Variants in THSD7A observed in about 807,000 individuals in gnomAD.
The protein encoded by THSD7A is thrombospondin type 1 domain containing 7A.
Under a neutral mutation model 231.3 loss-of-function variants are expected in THSD7A, and 96 were observed. The observed-to-expected ratio is 0.41, with a 90% CI of 0.35 to 0.49. The LOEUF is 0.49. Ranked by LOEUF, THSD7A falls within the 20% of genes least tolerant of loss-of-function variation. The pLI is 0.05. For synonymous variants in THSD7A, 940 were observed against 743.3 expected, an observed-to-expected ratio of 1.26 and a Z score of -4.30; for missense variants, 2,290 against 2,070.2, an observed-to-expected ratio of 1.11 and a Z score of -2.06.
Position 11,481,897 on chromosome 7 carries a change from C to T in THSD7A, c.1908G>A (p.Val636=). The part of the protein sequence containing the change: ...ACDAPCPKDC[V]LSTWSTWSSC... ...AGGACCACGTAGACCATGTGCTGAG[C>T]ACACAGTCTTTCGGGCATGGGGCAT... The change falls in exon 7 of 28, where the codon GTG becomes GTA. Residue 636 remains valine, a synonymous_variant. Coordinates refer to ENST00000423059, the MANE Select transcript of THSD7A (RefSeq NM_015204.3). 1.2e-6 allele frequency: 2 copies of T among 1,613,780 alleles called. No individual in the cohort carries two copies. Among genetic ancestry groups the T allele is most frequent in the Non-Finnish European group, 1.7e-6 (2 of 1,179,734 alleles).
At chr7:11,658,039 T>G (rs927275663) in intron 1 of THSD7A, among the ~76,000 whole-genome samples, 8 of 151,712 alleles carry the variant, frequency 5.3e-5, no homozygotes, top group Non-Finnish European at 1.2e-4. Context: ...GCCACCCTGC[T>G]AGCTTCAACA....
At chr7:11,628,650 A>G (rs1205885673) in intron 2 of THSD7A, among the ~76,000 whole-genome samples, 1 of 152,178 alleles carries the variant, frequency 6.6e-6, no homozygotes, top group Non-Finnish European at 1.5e-5. Context: ...CCTTGAGATT[A>G]TGATCTTTGT....
At chr7:11,594,887 G>T (rs995498463) in intron 2 of THSD7A, among the ~76,000 whole-genome samples, 37 of 152,316 alleles carry the variant, frequency 2.4e-4, no homozygotes, top group African/African-American at 8.9e-4. Context: ...TAAAGTGAGG[G>T]CATTGATTGG....
chr7:11,482,704 C>T (rs1786480000), intron 6 of THSD7A, among the ~76,000 whole-genome samples: 1 of 152,174 alleles, frequency 6.6e-6, no homozygotes, highest in Non-Finnish European at 1.5e-5. Flanking sequence ...TTCAAGTTTA[C>T]AAGACCTCGA....
At chr7:11,462,243 T>G in intron 9 of THSD7A, 100 bp from the exon 10 acceptor site, 1 of 1,320,734 alleles carries the variant, frequency 7.6e-7, no homozygotes, top group Non-Finnish European at 1.0e-6. Flanking sequence ...CAGCTACATG[T>G]GCTTTGACAT....
rs1783371417 is a variant in THSD7A, at chr7:11,400,712, G to A, written c.4411+1083C>T. 2.0e-5 allele frequency among the ~76,000 whole-genome samples: 3 copies of A among 152,100 alleles called. No individual in the cohort carries two copies. The South Asian group carries it at 6.2e-4, about 32-fold the overall frequency. On this transcript the variant is annotated intron_variant, in intron 23 of 27. Transcript: ENST00000423059. Reference sequence around the variant, plus strand: ...GCAGGTAATTCCATCTAATTCTTGGGCTAAGTCATCTAGCCCATTTGGTTT... The same window carrying A: ...GCAGGTAATTCCATCTAATTCTTGGACTAAGTCATCTAGCCCATTTGGTTT...
intron 1 of THSD7A, among the ~76,000 whole-genome samples, chr7:11,712,926 C>G (rs1313140737): frequency 2.0e-5 from 3 of 150,986 alleles, no homozygotes; most frequent in Non-Finnish European, 4.5e-5. Context: ...TAAGTATCTT[C>G]CAATTAAACA....
At chr7:11,662,140 G>A (rs189812623) in intron 1 of THSD7A, among the ~76,000 whole-genome samples, 5 of 151,342 alleles carry the variant, frequency 3.3e-5, no homozygotes, top group Admixed American at 3.3e-4. Context: ...TACATCAAAT[G>A]TAAGTTGAAT....
chr7:11,829,780 T>G (rs968489964), intron 1 of THSD7A, among the ~76,000 whole-genome samples: 1 of 151,932 alleles, frequency 6.6e-6, no homozygotes, highest in African/African-American at 2.4e-5. Context: ...TACAGATATA[T>G]TAAAGTCTCC....
chr7:11,771,940 G>C (rs1384748871), intron 1 of THSD7A, among the ~76,000 whole-genome samples: 1 of 152,162 alleles, frequency 6.6e-6, no homozygotes, highest in Non-Finnish European at 1.5e-5. Flanking sequence ...CGTGTGATGT[G>C]TGTGCTCTCC....
chr7:11,701,560 G>A lies in THSD7A; in HGVS notation c.191-64599C>T, dbSNP rs113129791. The stretch of plus-strand genomic sequence containing the variant: ...GCTACATTCTGCTTGGAAACTGATC[G>A]TTATGCAAAAACTGTGTTTTTTTTC... On this transcript the variant is annotated intron_variant, in intron 1 of 27. Transcript: ENST00000423059. 8.3e-3 allele frequency among the ~76,000 whole-genome samples: 1,252 copies of A among 150,942 alleles called. 12 individuals carry two copies. The highest frequency in any genetic ancestry group is 0.028 in the African/African-American group (1,174 of 41,300).
chr7:11,636,462 A>G lies in THSD7A; in HGVS notation c.690T>C (p.Ser230=), dbSNP rs749912993. 1.9e-6 allele frequency: 3 copies of G among 1,613,698 alleles called. No individual in the cohort carries two copies. Among genetic ancestry groups the G allele is most frequent in the South Asian group, 2.2e-5 (2 of 91,080 alleles). ...HVVAPPQFGG[S]GCPNLTEFQV... ...GGAACTCCGTCAGGTTTGGACAGCC[A>G]GAGCCTCCGAACTGCGGGGGCGCCA... Residue 230 remains serine, a synonymous_variant, in exon 2 of 28, where the codon TCT becomes TCC. Coordinates refer to ENST00000423059, the MANE Select transcript of THSD7A (RefSeq NM_015204.3). The surrounding 1 kb of genome is among the most constrained non-coding windows in gnomAD (Gnocchi z 10.0).
chr7:11,504,932 A>G (rs1344381967), intron 6 of THSD7A, among the ~76,000 whole-genome samples: 1 of 152,154 alleles, frequency 6.6e-6, no homozygotes, highest in Non-Finnish European at 1.5e-5. Flanking sequence ...TAAACAATCC[A>G]AAACACTTTA....
chr7:11,409,439 A>C (rs1276816609), intron 19 of THSD7A, among the ~76,000 whole-genome samples: 1 of 152,226 alleles, frequency 6.6e-6, no homozygotes, highest in African/African-American at 2.4e-5. Flanking sequence ...TAGTATTTGC[A>C]TGTAAGCTTA....
At position 11,597,352 on chromosome 7, in the gene THSD7A, G is replaced by A. The variant is rs559743156; in HGVS notation, c.1023-3850C>T. On this transcript the variant is annotated intron_variant, in intron 2 of 27. Transcript: ENST00000423059. ...GGAGGGAACACATTCCTCAACTGGTGTGTTAGTCTGGCCCATATACCGAGT... is the reference window on the plus strand; with the variant it reads ...GGAGGGAACACATTCCTCAACTGGTATGTTAGTCTGGCCCATATACCGAGT... Among the ~76,000 whole-genome samples, 10 of 152,324 alleles carry A rather than the reference G, an allele frequency of 6.6e-5. No homozygotes were observed. The South Asian group carries it at 1.0e-3, about 16-fold the overall frequency.
chr7:11,452,692 C>T (rs965046290), intron 11 of THSD7A, among the ~76,000 whole-genome samples: 1 of 151,934 alleles, frequency 6.6e-6, no homozygotes, highest in Non-Finnish European at 1.5e-5. Context: ...ACAGACCCAG[C>T]ACGGTGCCAA....
chr7:11,688,267 T>C (rs1584214712), intron 1 of THSD7A, among the ~76,000 whole-genome samples: 2 of 151,946 alleles, frequency 1.3e-5, no homozygotes, highest in Admixed American at 6.6e-5. Flanking sequence ...TAGTATTCCA[T>C]GGTGTATATA....
intron 1 of THSD7A, among the ~76,000 whole-genome samples, chr7:11,666,820 C>G (rs1317141607): frequency 1.3e-5 from 2 of 151,622 alleles, no homozygotes; most frequent in Non-Finnish European, 2.9e-5. Context: ...GAGCAGTAAT[C>G]AGATCATAAT....
At chr7:11,575,001 T>G (rs973681032) in intron 4 of THSD7A, among the ~76,000 whole-genome samples, 40 of 152,192 alleles carry the variant, frequency 2.6e-4, no homozygotes, top group African/African-American at 9.2e-4. Flanking sequence ...GTTTACTAGC[T>G]ATATTCCTTA....
Sources: gnomAD v4.1 joint callset for allele counts (sites outside exome capture counted in the v4.1 genomes callset) on GRCh38, gnomAD v4.1.1 for gene constraint, Gnocchi (gnomAD v3.1) non-coding constraint, MANE v1.5 for transcripts, NCBI Gene and HGNC (gene_info 2026-07-23, HGNC 2026-07-21) for gene names.